The following RPS6KL1 variants were observed in gnomAD, a reference collection of about 807,000 sequenced individuals.
RPS6KL1 encodes the protein ribosomal protein S6 kinase-like 1.
Under a neutral mutation model 57.0 loss-of-function variants are expected in RPS6KL1, and 41 were observed. The observed-to-expected ratio is 0.72, with a 90% CI of 0.56 to 0.93. The LOEUF (loss-of-function observed/expected upper bound fraction) is 0.93. RPS6KL1 is among the 40% of genes least tolerant of loss of function. RPS6KL1 has a pLI of 0.00. For synonymous variants in RPS6KL1, 287 were observed against 309.7 expected (o/e 0.93, Z 0.77); for missense variants, 697 against 727.7 (o/e 0.96, Z 0.49).
At chr14:74,910,214 G>C (rs1594914074) in intron 7 of RPS6KL1, 66 bp from the exon 8 acceptor site, 1 of 1,475,266 alleles carries the variant, frequency 6.8e-7, no homozygotes, top group Admixed American at 2.3e-5. Flanking sequence ...TGCCAGGGCC[G>C]GCTCCCACTC....
rs372086786 is a variant in RPS6KL1 at position 74,906,501 on chromosome 14, C to T, written c.*513G>A. 33 of 484,140 alleles carry T rather than the reference C, an allele frequency of 6.8e-5. No individual in the cohort carries two copies. The highest frequency in any genetic ancestry group is 1.1e-4 in the Non-Finnish European group (25 of 231,630). 30.0% of individuals were successfully genotyped at this position (484,140 alleles called of 1,614,324 possible). A position where few individuals can be genotyped will look rare whatever the true frequency, so the allele number is the denominator to read the frequency against. On this transcript the variant is annotated 3_prime_UTR_variant, in exon 12 of 12. Transcript: ENST00000557413. ...CTGCTTCTGGGCCTCCCCAGCTGCA[C>T]GAACAGCTTCTGGTGGAAGAGGCCT...
In RPS6KL1 at chr14:74,905,794, T is replaced by C. The variant is rs564279064; in HGVS notation, c.*1220A>G. 1 of 152,014 alleles carries C rather than the reference T, an allele frequency of 6.6e-6. No homozygotes were observed. Among genetic ancestry groups the C allele is most frequent in the East Asian group, 1.9e-4 (1 of 5,150 alleles). The allele number at this position is 152,014 out of a possible 1,614,324, so 9.4% of individuals were successfully genotyped here. On this transcript the variant is annotated 3_prime_UTR_variant, in exon 12 of 12. Coordinates refer to ENST00000557413, the MANE Select transcript of RPS6KL1 (RefSeq NM_031464.5). ...GGAAGTCAAGTCTCCCCACCATGAG[T>C]GAGGGGTCTGGTCTGACAGTTGGGC... is the stretch of plus-strand genomic sequence containing the variant.
chr14:74,911,981 A>T, intron 5 of RPS6KL1, 140 bp from the exon 6 acceptor site: 1 of 679,872 alleles, frequency 1.5e-6, no homozygotes, highest in Non-Finnish European at 2.6e-6. Flanking sequence ...CTTTGGTGGC[A>T]CTCCTGAAGC....
At chr14:74,918,401 G>GA in intron 5 of RPS6KL1, 112 bp downstream of exon 5, 1 of 740,320 alleles carries the variant, frequency 1.4e-6, no homozygotes, top group East Asian at 3.0e-5. Context: ...CTCTGGAGGA[G>GA]TGGGGGCCAC....
Position 74,904,286 on chromosome 14 carries a change from A to C in RPS6KL1, c.*2728T>G, listed in dbSNP as rs187154315. ...TCTGGGTTACAGTAAGGGGTTGTGG[A>C]GACCAAGGTTTTATGCAGATGAAGC... On this transcript the variant is annotated 3_prime_UTR_variant, in exon 12 of 12. Transcript: ENST00000557413. The C allele has an allele frequency of 1.4e-3, 212 of 152,296 alleles. No homozygotes were observed. The highest frequency in any genetic ancestry group is 4.8e-3 in the African/African-American group (199 of 41,552). The allele number at this position is 152,296 out of a possible 1,614,324, so 9.4% of individuals were successfully genotyped here.
In RPS6KL1 at chr14:74,910,026, C is replaced by G. The variant is rs777616736; in HGVS notation, c.787G>C (p.Ala263Pro). 6.2e-7 allele frequency: 1 copy of G among 1,613,718 alleles called. No homozygotes were observed. Among genetic ancestry groups the G allele is most frequent in the Non-Finnish European group, 8.5e-7 (1 of 1,179,904 alleles). The change falls in exon 8 of 12, where the codon GCG (alanine) becomes CCG (proline). Residue 263 changes from alanine (A) to proline (P), a missense_variant. Physicochemically the swap from Ala to Pro is conservative, Grantham distance 27. Transcript: ENST00000557413. ...GGGGCATGGCCTGAGGGAAGCCTCG[C>G]TGGGGTCAGGAGGTTGAGGTGGGGG... ...LNPHLNLLTP[A>P]RLPSGHAPGQ...
In RPS6KL1 at chr14:74,904,573, C is replaced by T. The variant is rs1298319428; in HGVS notation, c.*2441G>A. The T allele has an allele frequency of 1.3e-5, 2 of 152,174 alleles. No homozygotes were observed. Among genetic ancestry groups the T allele is most frequent in the Non-Finnish European group, 2.9e-5 (2 of 68,052 alleles). The allele number at this position is 152,174 out of a possible 1,614,324, so 9.4% of individuals were successfully genotyped here. A position where few individuals can be genotyped will look rare whatever the true frequency, so the allele number is the denominator to read the frequency against. On this transcript the variant is annotated 3_prime_UTR_variant, in exon 12 of 12. Coordinates refer to ENST00000557413, the MANE Select transcript of RPS6KL1 (RefSeq NM_031464.5). ...AGCATCATAGTCTCTTAGTGCCCCA[C>T]CTTCCTTGAGCCTGTCAAGCCATAC...
chr14:74,910,356 GGGCCCAGCC>G, intron 7 of RPS6KL1: 1 of 447,674 alleles, frequency 2.2e-6, no homozygotes, highest in African/African-American at 2.0e-5. Context: ...CAACTAAAGT[GGGCCCAGCC>G]TTACAAACTG....
chr14:74,908,790 C>T (rs1343109150), intron 10 of RPS6KL1, 60 bp downstream of exon 10: 2 of 1,461,418 alleles, frequency 1.4e-6, no homozygotes, highest in African/African-American at 2.8e-5. Context: ...TGGACTAAGC[C>T]TGGCCCATCC....
rs375364516 is a variant in RPS6KL1 at position 74,909,985 on chromosome 14, G to A, written c.828C>T (p.Ile276=). The A allele has an allele frequency of 1.4e-5, 23 of 1,613,974 alleles. No homozygotes were observed. The Admixed American group carries it at 2.0e-4, about 14-fold the overall frequency. ...GAGAAGTCCTAGGAGGCTCCAGGGC[G>A]ATTCTGTCCTGGCCAGGGGCATGGC... The part of the protein sequence containing the change: ...PSGHAPGQDR[I]ALEPPRTSPN... Residue 276 remains isoleucine (I), a synonymous_variant, in exon 8 of 12, where the codon ATC becomes ATT. Coordinates refer to ENST00000557413, the MANE Select transcript of RPS6KL1 (RefSeq NM_031464.5).
At position 74,911,314 on chromosome 14, in the gene RPS6KL1, T is replaced by A; in HGVS notation, c.598A>T (p.Met200Leu). The A allele has an allele frequency of 6.2e-7, 1 of 1,612,376 alleles. No individual in the cohort carries two copies. The highest frequency in any genetic ancestry group is 8.5e-7 in the Non-Finnish European group (1 of 1,179,946). ...LTIIPHGVPY[M>L]TKLLRYFVSE... is the part of the protein sequence containing the mutation. ...ACAAAGTACCTGAGCAGCTTCGTCA[T>A]GTAGGGGACTCCGTGTGGGATGATG... The change falls in exon 7 of 12, where the codon ATG (methionine) becomes TTG (leucine). Residue 200 changes from methionine to leucine, a missense_variant. Physicochemically the swap from Met to Leu is conservative, Grantham distance 15 (BLOSUM62 2). Transcript: ENST00000557413.
rs550044135 is a variant in RPS6KL1, at chr14:74,909,118, T to C, written c.1343A>G (p.Asn448Ser). ...EPQCCGEAVD[N>S]LYSAPEVGGI... Reference sequence around the variant, plus strand: ...CTTCTTGCCTGGGGCGCTGTAGAGATTGTCCACGGCCTCCCCGCAGCACTG... The same window carrying C: ...CTTCTTGCCTGGGGCGCTGTAGAGACTGTCCACGGCCTCCCCGCAGCACTG... The change falls in exon 9 of 12, where the codon AAT (asparagine) becomes AGT (serine). Residue 448 changes from asparagine (N) to serine (S), a missense_variant. Transcript: ENST00000557413. The C allele has an allele frequency of 1.2e-5, 19 of 1,614,128 alleles. No homozygotes were observed. In the African/African-American group the frequency reaches 1.5e-4, roughly 12 times the overall value.
intron 5 of RPS6KL1, among the ~76,000 whole-genome samples, chr14:74,917,616 C>T (rs1300583000): frequency 6.6e-6 from 1 of 152,166 alleles, no homozygotes; most frequent in Non-Finnish European, 1.5e-5. Context: ...ATTGTCTGTC[C>T]TTCTAATCAG....
chr14:74,907,475 G>C lies in RPS6KL1; in HGVS notation c.1499C>G (p.Pro500Arg). Residue 500 changes from proline to arginine, a missense_variant, in exon 11 of 12, where the codon CCC becomes CGC. Coordinates refer to ENST00000557413, the MANE Select transcript of RPS6KL1 (RefSeq NM_031464.5). The part of the protein sequence containing the change: ...GIQAHTQLQL[P>R]EWLSRPAASL... ...GGCCGCTGGGCGACTGAGCCACTCG[G>C]GCAGCTGGAGCTGGGTGTGGGCCTG... is the stretch of plus-strand genomic sequence containing the variant. The C allele has an allele frequency of 1.3e-6, 2 of 1,588,878 alleles. No homozygotes were observed. The highest frequency in any genetic ancestry group is 1.7e-6 in the Non-Finnish European group (2 of 1,167,832).
In RPS6KL1 at chr14:74,909,741, C is replaced by A. The variant is rs1465450200; in HGVS notation, c.1072G>T (p.Gly358Cys). Residue 358 changes from glycine to cysteine, a missense_variant, in exon 8 of 12, where the codon GGC (glycine) becomes TGC (cysteine). Coordinates refer to ENST00000557413, the MANE Select transcript of RPS6KL1 (RefSeq NM_031464.5). ...CTCTGATCCATGCCTCGGCCACAGCCCCCTAGCACCGGGCCGGCCCCCTCA... is the reference window on the plus strand; with the variant it reads ...CTCTGATCCATGCCTCGGCCACAGCACCCTAGCACCGGGCCGGCCCCCTCA... The part of the protein sequence containing the change: ...VPEGAGPVLG[G>C]CGRGMDQSCL... 1 of 1,607,808 alleles carries A rather than the reference C, an allele frequency of 6.2e-7. No homozygotes were observed. Among genetic ancestry groups the A allele is most frequent in the Admixed American group, 1.7e-5 (1 of 59,958 alleles).
intron 5 of RPS6KL1, among the ~76,000 whole-genome samples, chr14:74,918,089 T>A (rs1219049980): frequency 8.6e-6 from 1 of 116,108 alleles, no homozygotes; most frequent in Admixed American, 1.0e-4. Context: ...TGCCTCTTCT[T>A]TTTATATTTT....
At chr14:74,922,954 G>C (rs1000950144) in intron 1 of RPS6KL1, among the ~76,000 whole-genome samples, 3 of 152,192 alleles carry the variant, frequency 2.0e-5, no homozygotes, top group African/African-American at 7.2e-5. Flanking sequence ...GGAACTTGAG[G>C]CTCTGAGGCC....
chr14:74,921,425 C>T lies in RPS6KL1; in HGVS notation c.117G>A (p.Leu39=). The T allele has an allele frequency of 3.7e-6, 6 of 1,614,284 alleles. No homozygotes were observed. Among genetic ancestry groups the T allele is most frequent in the Non-Finnish European group, 5.1e-6 (6 of 1,180,054 alleles). Residue 39 remains leucine (L), a synonymous_variant, in exon 3 of 12, where the codon CTG becomes CTA. Coordinates refer to ENST00000557413, the MANE Select transcript of RPS6KL1 (RefSeq NM_031464.5). ...CACGTTTTGTCATGTCAGGCACTCC[C>T]AGAGCCACCCTGTTGCGAATCTGCT... The part of the protein sequence containing the change: ...YLEQIRNRVA[L]GVPDMTKRDY...
At chr14:74,917,370 C>G (rs1887025499) in intron 5 of RPS6KL1, among the ~76,000 whole-genome samples, 1 of 152,202 alleles carries the variant, frequency 6.6e-6, no homozygotes, top group South Asian at 2.1e-4. Flanking sequence ...GGGGCCTTCC[C>G]TCAGGCAGCA....
Sources: gnomAD v4.1 joint callset for allele counts (sites outside exome capture counted in the v4.1 genomes callset) on GRCh38, gnomAD v4.1.1 for gene constraint, MANE v1.5 for transcripts, NCBI Gene and HGNC (gene_info 2026-07-23, HGNC 2026-07-21) for gene names.